Variants in SPATA1 observed in about 807,000 individuals in gnomAD.
SPATA1 encodes spermatogenesis-associated protein 1.
Under a neutral mutation model 59.6 loss-of-function variants are expected in SPATA1, and 57 were observed. The observed-to-expected ratio is 0.96, with a 90% CI of 0.77 to 1.19. The LOEUF (loss-of-function observed/expected upper bound fraction) is 1.19. SPATA1 is among the 50% of genes most tolerant of loss of function. SPATA1 has a pLI of 0.00. For synonymous variants in SPATA1, 147 were observed against 163.9 expected, an observed-to-expected ratio of 0.90 and a Z score of 0.79; for missense variants, 448 against 480.7, an observed-to-expected ratio of 0.93 and a Z score of 0.64.
At chr1:84,516,145 T>C in intron 1 of SPATA1, 78 bp from the exon 2 acceptor site, 7 of 462,964 alleles carry the variant, frequency 1.5e-5, no homozygotes, top group South Asian at 4.0e-5. Context: ...ATAATAAAGA[T>C]TGTATATATG....
At chr1:84,565,829 T>A in intron 4 of SPATA1, 32 bp from the exon 14 acceptor site, 1 of 1,430,786 alleles carries the variant, frequency 7.0e-7, no homozygotes, top group Non-Finnish European at 9.3e-7. Flanking sequence ...ATGACCATGT[T>A]TAGAGTCTTA....
At chr1:84,546,443 G>C (rs1384427971) in intron 10 of SPATA1, among the ~76,000 whole-genome samples, 3 of 107,566 alleles carry the variant, frequency 2.8e-5, no homozygotes, top group Non-Finnish European at 5.1e-5. Flanking sequence ...GGGTGACAAA[G>C]CAAGACTCTG....
intron 1 of SPATA1, among the ~76,000 whole-genome samples, chr1:84,512,159 T>C (rs1347171358): frequency 1.3e-5 from 2 of 152,240 alleles, no homozygotes; most frequent in African/African-American, 2.4e-5. Flanking sequence ...TCAGGAATTA[T>C]GTCAAAAAAT....
intron 9 of SPATA1, among the ~76,000 whole-genome samples, chr1:84,544,558 T>C (rs1684020127): frequency 6.6e-6 from 1 of 151,030 alleles, no homozygotes; most frequent in African/African-American, 2.5e-5. Flanking sequence ...TATAGGAATT[T>C]TATTTTTATT....
At chr1:84,538,311 G>C (rs1335596160) in intron 8 of SPATA1, among the ~76,000 whole-genome samples, 3 of 152,168 alleles carry the variant, frequency 2.0e-5, no homozygotes, top group Non-Finnish European at 2.9e-5. Context: ...AAAACCAAAA[G>C]TAGCAAATAG....
intron 1 of SPATA1, among the ~76,000 whole-genome samples, chr1:84,515,514 G>T (rs1682759724): frequency 6.6e-6 from 1 of 152,092 alleles, no homozygotes; most frequent in Non-Finnish European, 1.5e-5. Flanking sequence ...TTGAAATCTA[G>T]AAGAGCTTCA....
At chr1:84,538,998 T>C (rs529945959) in intron 8 of SPATA1, among the ~76,000 whole-genome samples, 19 of 152,024 alleles carry the variant, frequency 1.2e-4, no homozygotes, top group Middle Eastern at 3.4e-3. Flanking sequence ...TTGGGGTTTC[T>C]CCATGTTGCC....
At chr1:84,550,332 C>T in intron 11 of SPATA1, 100 bp from the exon 12 acceptor site, 1 of 518,236 alleles carries the variant, frequency 1.9e-6, no homozygotes, top group Non-Finnish European at 3.1e-6. Context: ...TCATGATTTA[C>T]TCTTTTGATC....
At chr1:84,537,167 C>T (rs1385345750) in intron 8 of SPATA1, among the ~76,000 whole-genome samples, 1 of 152,164 alleles carries the variant, frequency 6.6e-6, no homozygotes, top group Non-Finnish European at 1.5e-5. Context: ...CGTGAGCCAC[C>T]ACGCCCGGCC....
At chr1:84,558,023 G>A (rs930378990), downstream of SPATA1, among the ~76,000 whole-genome samples, 2 of 151,956 alleles carry the variant, frequency 1.3e-5, no homozygotes, top group Non-Finnish European at 2.9e-5. Context: ...GCTGGGGGTG[G>A]GAAGAATAGA....
chr1:84,559,491 G>T (rs966003948), downstream of SPATA1, among the ~76,000 whole-genome samples: 1 of 152,026 alleles, frequency 6.6e-6, no homozygotes, highest in African/African-American at 2.4e-5. Context: ...GCATGGTAGG[G>T]CATCCCTATA....
intron 4 of SPATA1, among the ~76,000 whole-genome samples, chr1:84,565,215 A>G (rs550936919): frequency 3.3e-4 from 50 of 152,224 alleles, no homozygotes; most frequent in African/African-American, 1.2e-3. Flanking sequence ...TAAAAATTAA[A>G]AAAAAAAACA....
chr1:84,565,919 T>C (rs1684691247), exon 5 of SPATA1: 2 of 1,602,142 alleles, frequency 1.2e-6, no homozygotes, highest in East Asian at 4.5e-5. Flanking sequence ...TCATAAGACA[T>C]CACAAAGAGG....
intron 6 of SPATA1, among the ~76,000 whole-genome samples, chr1:84,527,417 T>A (rs1468163345): frequency 6.6e-6 from 1 of 152,080 alleles, no homozygotes; most frequent in African/African-American, 2.4e-5. Context: ...AAAATAAGTA[T>A]AAAGTATACT....
chr1:84,562,729 C>T (rs1306479183), intron 4 of SPATA1, among the ~76,000 whole-genome samples: 1 of 151,992 alleles, frequency 6.6e-6, no homozygotes, highest in Non-Finnish European at 1.5e-5. Flanking sequence ...CTTCAGGTTT[C>T]CTTTATGTAA....
At chr1:84,553,251 T>C in exon 13 of SPATA1, 2 of 556,322 alleles carry the variant, frequency 3.6e-6, no homozygotes, top group Non-Finnish European at 6.2e-6. Context: ...CCACTTTCCA[T>C]GTGGGTATTA....
chr1:84,544,948 A>G (rs1684036744), intron 9 of SPATA1, among the ~76,000 whole-genome samples: 1 of 151,162 alleles, frequency 6.6e-6, no homozygotes, highest in Middle Eastern at 3.2e-3. Context: ...ATGGTGGCTC[A>G]TGCCTGTAAT....
intron 11 of SPATA1, 65 bp downstream of exon 11, chr1:84,549,029 C>A: frequency 7.3e-7 from 1 of 1,372,238 alleles, no homozygotes; most frequent in Non-Finnish European, 9.5e-7. Context: ...TTTATAAGTG[C>A]TAGTAGTATC....
intron 8 of SPATA1, among the ~76,000 whole-genome samples, chr1:84,539,899 T>C (rs77188478): frequency 0.043 from 6,571 of 152,320 alleles, 194 homozygotes; most frequent in Admixed American, 0.082. Flanking sequence ...CTGCTTTATG[T>C]GTTTCTATAT....
Sources: gnomAD v4.1 joint callset for allele counts (sites outside exome capture counted in the v4.1 genomes callset) on GRCh38, gnomAD v4.1.1 for gene constraint, MANE v1.5 for transcripts, NCBI Gene and HGNC (gene_info 2026-07-23, HGNC 2026-07-21) for gene names.